The following PCDHGB2 variants were observed in gnomAD, a reference collection of about 807,000 sequenced individuals.
PCDHGB2 encodes protocadherin gamma subfamily B, 2.
A neutral mutation model predicts 59.3 loss-of-function variants in PCDHGB2; 55 were observed. The ratio of observed to expected loss-of-function variants is 0.93; its 90% confidence interval spans 0.75 to 1.16. The LOEUF (loss-of-function observed/expected upper bound fraction) is 1.16, where lower values mean the gene tolerates loss of function less well. PCDHGB2 is among the 50% of genes most tolerant of loss of function. PCDHGB2 has a pLI of 0.00. For missense variants in PCDHGB2, 1,228 were observed against 1,198.5 expected, an observed-to-expected ratio of 1.02 and a Z score of -0.36; for synonymous variants, 516 against 512.0, an observed-to-expected ratio of 1.01 and a Z score of -0.11.
At position 141,383,693 on chromosome 5, in the gene PCDHGB2, A is replaced by G. The variant is rs771447649; in HGVS notation, c.2421+21137A>G. 6 of 1,613,930 alleles carry G rather than the reference A, an allele frequency of 3.7e-6. No individual in the cohort carries two copies. The African/African-American group carries it at 4.0e-5, about 11-fold the overall frequency. On this transcript the variant is annotated intron_variant, in intron 1 of 3. Coordinates refer to ENST00000522605, the MANE Select transcript of PCDHGB2 (RefSeq NM_018923.3). Reference sequence around the variant, plus strand: ...GTGGGTACAAGACTGCTCACGGTACATGCTATCGACCTGGACGAGGGAGTC... The same window carrying G: ...GTGGGTACAAGACTGCTCACGGTACGTGCTATCGACCTGGACGAGGGAGTC...
chr5:141,473,151 T>C (rs2099315238), intron 1 of PCDHGB2, among the ~76,000 whole-genome samples: 1 of 152,242 alleles, frequency 6.6e-6, no homozygotes. Context: ...TTCAGATCAC[T>C]AGGGCTAGGA....
Position 141,364,575 on chromosome 5 carries a change from G to A in PCDHGB2, c.2421+2019G>A, listed in dbSNP as rs372313739. On this transcript the variant is annotated intron_variant, in intron 1 of 3. Coordinates refer to ENST00000522605, the MANE Select transcript of PCDHGB2 (RefSeq NM_018923.3). ...CTTTTTGCCCTGAACCCGCGAAGCG[G>A]CAGCTTGGTCACCGCGGGCAGGATA... is the stretch of plus-strand genomic sequence containing the variant. 1.7e-5 allele frequency: 27 copies of A among 1,614,070 alleles called. No individual in the cohort carries two copies. The Middle Eastern group carries it at 4.9e-4, about 29-fold the overall frequency.
At position 141,485,939 on chromosome 5, in the gene PCDHGB2, C is replaced by A; in HGVS notation, c.2422-8868C>A. ...CAGGATTAGTGTGTTGGAGAGCGCA[C>A]CAGCGGGCATGGTGCTCATCCAGCT... On this transcript the variant is annotated intron_variant, in intron 1 of 3. Transcript: ENST00000522605. This position sits in a 1 kb window ranked among gnomAD's most constrained non-coding sequence, Gnocchi z 5.7. 1 of 1,614,140 alleles carries A rather than the reference C, an allele frequency of 6.2e-7. No homozygotes were observed. The highest frequency in any genetic ancestry group is 8.5e-7 in the Non-Finnish European group (1 of 1,180,030).
chr5:141,414,159 A>G (rs2095715416), intron 1 of PCDHGB2: 1 of 1,602,874 alleles, frequency 6.2e-7, no homozygotes. Context: ...CAGAAGATGG[A>G]GGAGCATATC....
intron 2 of PCDHGB2, among the ~76,000 whole-genome samples, chr5:141,501,159 C>G (rs1475164887): frequency 6.6e-6 from 1 of 152,096 alleles, no homozygotes; most frequent in East Asian, 1.9e-4. Context: ...GAGCCACCAT[C>G]CCCAGCCTCA....
chr5:141,491,795 C>G lies in PCDHGB2; in HGVS notation c.2422-3012C>G. The G allele has an allele frequency of 6.6e-7, 1 of 1,511,694 alleles. No individual in the cohort carries two copies. The highest frequency in any genetic ancestry group is 8.8e-7 in the Non-Finnish European group (1 of 1,130,430). The allele number at this position is 1,511,694 out of a possible 1,614,324, so 93.6% of individuals were successfully genotyped here. On this transcript the variant is annotated intron_variant, in intron 1 of 3. Transcript: ENST00000522605. The surrounding 1 kb of genome is among the most constrained non-coding windows in gnomAD (Gnocchi z 6.9). ...GGATTGAACTTGCATCCACTCCTCT[C>G]CGGCCGGCTTGGTCGCTGGCTGCGC...
intron 1 of PCDHGB2, chr5:141,418,028 A>C (rs767425160): frequency 1.2e-6 from 2 of 1,613,970 alleles, no homozygotes; most frequent in East Asian, 4.5e-5. Context: ...TCTAGGGCTT[A>C]GTGTCCTGGA....
intron 1 of PCDHGB2, chr5:141,374,117 G>T: frequency 1.9e-6 from 3 of 1,587,564 alleles, no homozygotes; most frequent in South Asian, 1.1e-5. Context: ...GCAGCGCAGC[G>T]AGCAGGTCCT....
In PCDHGB2 at chr5:141,489,576, C is replaced by T; in HGVS notation, c.2422-5231C>T. 1.9e-6 allele frequency: 3 copies of T among 1,614,054 alleles called. No individual in the cohort carries two copies. Among genetic ancestry groups the T allele is most frequent in the Non-Finnish European group, 2.5e-6 (3 of 1,179,976 alleles). Reference sequence around the variant, plus strand: ...TGCCAGTGCAGGTGGTGACTGAACACCCCCTGGAGCTAATCCGTGTAGAGG... The same window carrying T: ...TGCCAGTGCAGGTGGTGACTGAACATCCCCTGGAGCTAATCCGTGTAGAGG... On this transcript the variant is annotated intron_variant, in intron 1 of 3. Coordinates refer to ENST00000522605, the MANE Select transcript of PCDHGB2 (RefSeq NM_018923.3). This position sits in a 1 kb window ranked among gnomAD's most constrained non-coding sequence, Gnocchi z 4.5.
intron 1 of PCDHGB2, among the ~76,000 whole-genome samples, chr5:141,469,642 A>G (rs1339074059): frequency 2.0e-5 from 3 of 152,244 alleles, no homozygotes; most frequent in Admixed American, 6.5e-5. Flanking sequence ...AAATATTTTG[A>G]TGACATAATT....
intron 1 of PCDHGB2, chr5:141,427,221 T>C (rs1312743800): frequency 2.2e-6 from 1 of 456,628 alleles, no homozygotes; most frequent in Non-Finnish European, 4.4e-6. Context: ...TCGTAGCAGT[T>C]ATACCATGAG....
At chr5:141,463,610 G>A (rs189991450) in intron 1 of PCDHGB2, among the ~76,000 whole-genome samples, 2 of 151,672 alleles carry the variant, frequency 1.3e-5, no homozygotes, top group Admixed American at 6.6e-5. Flanking sequence ...CACCATGCCC[G>A]GCTAATTTTT....
At chr5:141,424,628 A>C (rs962512805) in intron 1 of PCDHGB2, 3 of 152,348 alleles carry the variant, frequency 2.0e-5, no homozygotes, top group African/African-American at 7.2e-5. Flanking sequence ...GTTTGTGAAT[A>C]TATAAATAGA....
intron 1 of PCDHGB2, among the ~76,000 whole-genome samples, chr5:141,474,970 A>C (rs1309289477): frequency 6.6e-6 from 1 of 152,212 alleles, no homozygotes; most frequent in Admixed American, 6.5e-5. Context: ...TAATCATTAT[A>C]ATTTTGTTTG....
chr5:141,372,259 G>A (rs1229622208), intron 1 of PCDHGB2: 9 of 1,613,108 alleles, frequency 5.6e-6, no homozygotes, highest in Non-Finnish European at 7.6e-6. Context: ...CTGGGCCTGC[G>A]CACGGGTGAG....
intron 1 of PCDHGB2, chr5:141,388,337 A>G (rs1256150334): frequency 6.2e-7 from 1 of 1,613,990 alleles, no homozygotes; most frequent in Non-Finnish European, 8.5e-7. Context: ...CTGGCACACG[A>G]TTTATATTAG....
chr5:141,448,323 A>G (rs2098582223), intron 1 of PCDHGB2, among the ~76,000 whole-genome samples: 1 of 152,080 alleles, frequency 6.6e-6, no homozygotes, highest in Non-Finnish European at 1.5e-5. Flanking sequence ...TTTTCTTTGA[A>G]TCTTTATAGC....
At chr5:141,398,228 G>A (rs2150736860) in intron 1 of PCDHGB2, 1 of 1,475,144 alleles carries the variant, frequency 6.8e-7, no homozygotes, top group East Asian at 2.5e-5. Flanking sequence ...GAGCAGATCC[G>A]CTACAGGATT....
chr5:141,428,857 A>C (rs2097165548), intron 1 of PCDHGB2: 1 of 140,386 alleles, frequency 7.1e-6, no homozygotes, highest in Non-Finnish European at 1.5e-5. Context: ...TTTTTACGGG[A>C]GACTTTTTTT....
Sources: allele counts gnomAD v4.1 joint callset (sites outside exome capture counted in the v4.1 genomes callset), GRCh38; gene constraint gnomAD v4.1.1; non-coding constraint Gnocchi (gnomAD v3.1); transcripts MANE v1.5; gene names NCBI Gene and HGNC (gene_info 2026-07-23, HGNC 2026-07-21).